Variants in VGLL4 observed in about 807,000 individuals in gnomAD.
VGLL4 encodes the protein transcription cofactor vestigial-like protein 4.
In VGLL4, 7 loss-of-function variants were observed where a neutral mutation model predicts 21.0. The ratio of observed to expected loss-of-function variants is 0.33; its 90% confidence interval spans 0.19 to 0.63. The LOEUF (loss-of-function observed/expected upper bound fraction) is 0.63, where lower values mean the gene tolerates loss of function less well. VGLL4 is among the 20% of genes least tolerant of loss of function. VGLL4 has a pLI of 0.78. For missense variants in VGLL4, 394 were observed against 425.7 expected (o/e 0.93, Z 0.66); for synonymous variants, 222 against 173.2 (o/e 1.28, Z -2.21).
chr3:11,574,004 A>C (rs2073953605), intron 2 of VGLL4, among the ~76,000 whole-genome samples: 1 of 152,214 alleles, frequency 6.6e-6, no homozygotes, highest in Admixed American at 6.5e-5. Flanking sequence ...GTCATCAACA[A>C]GCCATGGAAT....
intron 2 of VGLL4, among the ~76,000 whole-genome samples, chr3:11,579,650 T>G (rs1420858672): frequency 6.6e-6 from 1 of 152,068 alleles, no homozygotes; most frequent in African/African-American, 2.4e-5. Flanking sequence ...TCCCCCAAAC[T>G]CGTGAGTTGA....
chr3:11,639,449 G>C (rs2075647619), intron 1 of VGLL4, among the ~76,000 whole-genome samples: 1 of 152,256 alleles, frequency 6.6e-6, no homozygotes, highest in Non-Finnish European at 1.5e-5. Context: ...ACCAGCAACT[G>C]GCTTCAGAGC....
intron 1 of VGLL4, among the ~76,000 whole-genome samples, chr3:11,615,453 A>C (rs1359078185): frequency 6.6e-6 from 1 of 152,188 alleles, no homozygotes; most frequent in Non-Finnish European, 1.5e-5. Context: ...TACCCAGGTG[A>C]TACTGTGTGC....
chr3:11,573,310 AG>A (rs2073905802), intron 2 of VGLL4, among the ~76,000 whole-genome samples: 1 of 12,642 alleles, frequency 7.9e-5, no homozygotes, highest in East Asian at 2.3e-3. Context: ...AAAGAAAGGA[AG>A]GAAGGAAGAA....
chr3:11,610,178 A>AGTTGAGGAGGGAGGAAG (rs1254272172), intron 1 of VGLL4: 1 of 152,312 alleles, frequency 6.6e-6, no homozygotes, highest in African/African-American at 2.4e-5. Flanking sequence ...CCCTGCTCCC[A>AGTTGAGGAGGGAGGAAG]GATTCCACGC....
In VGLL4 at chr3:11,573,235, AAAAGAAATAGAGAAAGAAAG is replaced by A. The variant is rs1559869030; in HGVS notation, c.273-8236_273-8217del. Among the ~76,000 whole-genome samples the A allele has an allele frequency of 5.4e-4, 64 of 119,242 alleles. 9 individuals carry two copies. The highest frequency in any genetic ancestry group is 3.8e-3 in the Admixed American group (42 of 10,920). The allele number at this position is 119,242 out of a possible 152,430, so 78.2% of individuals were successfully genotyped here. ...GAGAGAGAGAAAGACAGACAGAAAG[AAAAGAAATAGAGAAAGAAAG>A]AAAGAAAGAAAGAAAGAAAGAAAGA... is the stretch of plus-strand genomic sequence containing the variant. On this transcript the variant is annotated intron_variant, in intron 2 of 4. Transcript: ENST00000430365.
chr3:11,629,969 T>C (rs2075441221), intron 1 of VGLL4, among the ~76,000 whole-genome samples: 1 of 151,932 alleles, frequency 6.6e-6, no homozygotes, highest in Admixed American at 6.6e-5. Context: ...TATACTAAGC[T>C]AAAGGAAAGT....
In VGLL4 at chr3:11,719,090, T is replaced by G. The variant is rs115773438; in HGVS notation, c.-14+1304A>C. Among the ~76,000 whole-genome samples, 974 of 152,270 alleles carry G rather than the reference T, an allele frequency of 6.4e-3. 12 individuals carry two copies. Among genetic ancestry groups the G allele is most frequent in the African/African-American group, 0.023 (941 of 41,560 alleles). On this transcript the variant is annotated intron_variant, in intron 1 of 5. Coordinates refer to the VGLL4 transcript ENST00000273038. The surrounding 1 kb of genome is among the most constrained non-coding windows in gnomAD (Gnocchi z 4.0). The stretch of plus-strand genomic sequence containing the variant: ...TGCAGGGAGAGTGTGCAGTCCTGTT[T>G]TGGGGACCGGGCAGGAAGCACAGGA...
intron 2 of VGLL4, among the ~76,000 whole-genome samples, chr3:11,588,625 C>T (rs73023170): frequency 0.012 from 1,761 of 152,348 alleles, 14 homozygotes; most frequent in Non-Finnish European, 0.018. Flanking sequence ...AAACTACAGC[C>T]CCAGCCAGGG....
chr3:11,619,725 T>C (rs1575460589), intron 1 of VGLL4, among the ~76,000 whole-genome samples: 1 of 152,142 alleles, frequency 6.6e-6, no homozygotes, highest in African/African-American at 2.4e-5. Context: ...TCCACCCCAT[T>C]CACCCCTGTA....
intron 2 of VGLL4, among the ~76,000 whole-genome samples, chr3:11,697,854 G>C (rs2076626460): frequency 6.6e-6 from 1 of 152,188 alleles, no homozygotes; most frequent in Admixed American, 6.5e-5. Context: ...CAAACAAGGA[G>C]TTAGTGAATT....
chr3:11,691,660 A>G (rs561297371), intron 2 of VGLL4, among the ~76,000 whole-genome samples: 1 of 152,238 alleles, frequency 6.6e-6, no homozygotes, highest in African/African-American at 2.4e-5. Flanking sequence ...AGTGGCTGCT[A>G]CCTGCACTGG....
rs1409673798 is a variant in VGLL4 at position 11,558,816 on chromosome 3, A to G, written c.631T>C (p.Cys211Arg). Residue 211 changes from cysteine (C) to arginine (R), a missense_variant, in exon 5 of 5, where the codon TGT (cysteine) becomes CGT (arginine). Transcript: ENST00000430365. ...YRRPPSAATTCDPVVEEHFRR... is the reference protein window; with the variant it reads ...YRRPPSAATTRDPVVEEHFRR... ...AAATGCTCCTCCACCACGGGGTCAC[A>G]GGTGGTGGCAGCTGCAGGCAAGCAG... 1 of 1,610,744 alleles carries G rather than the reference A, an allele frequency of 6.2e-7. No homozygotes were observed. Among genetic ancestry groups the G allele is most frequent in the African/African-American group, 1.3e-5 (1 of 74,864 alleles).
At chr3:11,622,061 T>C (rs1038311954) in intron 1 of VGLL4, among the ~76,000 whole-genome samples, 1 of 152,198 alleles carries the variant, frequency 6.6e-6, no homozygotes, top group Non-Finnish European at 1.5e-5. Context: ...AGACACATGA[T>C]TTATAAAAAT....
intron 2 of VGLL4, among the ~76,000 whole-genome samples, chr3:11,593,199 TG>T (rs1159012614): frequency 1.3e-5 from 2 of 152,224 alleles, no homozygotes; most frequent in Non-Finnish European, 2.9e-5. Flanking sequence ...TCTTGGTAAC[TG>T]GTCCATATAC....
intron 2 of VGLL4, among the ~76,000 whole-genome samples, chr3:11,579,632 G>T (rs1476896987): frequency 6.6e-6 from 1 of 152,056 alleles, no homozygotes; most frequent in Admixed American, 6.5e-5. Flanking sequence ...CACTGAAGTG[G>T]CATCTCTTCC....
chr3:11,610,452 C>G (rs368075427), intron 1 of VGLL4: 1 of 152,212 alleles, frequency 6.6e-6, no homozygotes, highest in African/African-American at 2.4e-5. Context: ...GCGCAAGGAT[C>G]GCCTGCAATC....
chr3:11,712,090 A>G (rs550168417), intron 1 of VGLL4, among the ~76,000 whole-genome samples: 1 of 152,262 alleles, frequency 6.6e-6, no homozygotes, highest in African/African-American at 2.4e-5. Flanking sequence ...AATATCTCTC[A>G]TTTGAGTAAT....
intron 1 of VGLL4, among the ~76,000 whole-genome samples, chr3:11,616,440 C>T (rs916219636): frequency 6.6e-6 from 1 of 152,240 alleles, no homozygotes; most frequent in Non-Finnish European, 1.5e-5. Flanking sequence ...AGACCCAGCT[C>T]ATTCCCTAGG....
Sources: gnomAD v4.1 joint callset for allele counts (sites outside exome capture counted in the v4.1 genomes callset) on GRCh38, gnomAD v4.1.1 for gene constraint, Gnocchi (gnomAD v3.1) non-coding constraint, MANE v1.5 for transcripts, NCBI Gene and HGNC (gene_info 2026-07-23, HGNC 2026-07-21) for gene names.